The following SPEG variants were observed in gnomAD, a reference collection of about 807,000 sequenced individuals.
SPEG encodes the protein striated muscle enriched protein kinase.
A neutral mutation model predicts 300.4 loss-of-function variants in SPEG; 114 were observed. That is an observed-to-expected ratio of 0.38 (90% confidence interval 0.33 to 0.44). SPEG has a LOEUF of 0.44. Among genes scored for constraint, SPEG ranks in the 20% least tolerant of loss-of-function variants. The pLI is 1.00. For synonymous variants in SPEG, 1,964 were observed against 2,018.9 expected, an observed-to-expected ratio of 0.97 and a Z score of 0.73; for missense variants, 4,201 against 4,586.2, an observed-to-expected ratio of 0.92 and a Z score of 2.43.
intron 39 of SPEG, 69 bp downstream of exon 39, chr2:219,491,938 A>G (rs1694010614): frequency 7.0e-7 from 1 of 1,429,224 alleles, no homozygotes; most frequent in Admixed American, 2.0e-5. Context: ...ACCTTCTGCC[A>G]ACACCCTCTC....
At position 219,481,817 on chromosome 2, in the gene SPEG, A is replaced by C; in HGVS notation, c.5565+137A>C. The C allele has an allele frequency of 1.3e-6, 1 of 790,482 alleles. No individual in the cohort carries two copies. The highest frequency in any genetic ancestry group is 2.0e-5 in the Admixed American group (1 of 48,844). 49.0% of individuals were successfully genotyped at this position (790,482 alleles called of 1,614,324 possible). ...TGTACATATGACGTATTAGCCTCAC[A>C]ATAGCTTTGCAAAGGAAGGCATTAT... On this transcript the variant is annotated intron_variant, in intron 28 of 40. Transcript: ENST00000312358. The surrounding 1 kb of genome is among the most constrained non-coding windows in gnomAD (Gnocchi z 5.4).
chr2:219,483,997 T>C lies in SPEG; in HGVS notation c.6534T>C (p.Pro2178=). 1.2e-6 allele frequency: 2 copies of C among 1,612,148 alleles called. No homozygotes were observed. The highest frequency in any genetic ancestry group is 1.7e-6 in the Non-Finnish European group (2 of 1,179,828). ...TCAGCGAGGCCCAGCCATCCAGCCC[T>C]GCACGGCCCAGCGCCCCCAAACCCA... ...SALSEAQPSS[P]ARPSAPKPST... The change falls in exon 30 of 41, where the codon CCT becomes CCC. Residue 2178 remains proline, a synonymous_variant. Transcript: ENST00000312358.
At chr2:219,465,842 T>C in intron 9 of SPEG, 1 of 615,472 alleles carries the variant, frequency 1.6e-6, no homozygotes, top group Non-Finnish European at 2.9e-6. Flanking sequence ...TGCGTGTATG[T>C]GCATGCATGT....
chr2:219,447,930 G>A (rs141483469), intron 3 of SPEG, 44 bp from the exon 4 acceptor site: 23,726 of 1,572,990 alleles, frequency 0.015, 213 homozygotes, highest in Non-Finnish European at 0.017. Context: ...TCTAGGAGAG[G>A]AGGCCCCCTG....
chr2:219,484,483 C>T lies in SPEG; in HGVS notation c.7020C>T (p.Ser2340=), dbSNP rs1247201829. 6.2e-7 allele frequency: 1 copy of T among 1,608,992 alleles called. No individual in the cohort carries two copies. The highest frequency in any genetic ancestry group is 1.3e-5 in the African/African-American group (1 of 75,024). Residue 2340 remains serine, a synonymous_variant, in exon 30 of 41, where the codon AGC becomes AGT. Transcript: ENST00000312358. ...EAVFEAKFKR[S]RESPLSLGLR... ...TGTTCGAGGCCAAGTTCAAGCGCAG[C>T]CGCGAGTCGCCCCTGTCGCTGGGGC...
At position 219,485,523 on chromosome 2, in the gene SPEG, T is replaced by TC; in HGVS notation, c.7741+50dup. The TC allele has an allele frequency of 2.0e-6, 3 of 1,491,052 alleles. No homozygotes were observed. The South Asian group carries it at 4.1e-5, about 21-fold the overall frequency. The allele number at this position is 1,491,052 out of a possible 1,614,324, so 92.4% of individuals were successfully genotyped here. On this transcript the variant is annotated intron_variant, in intron 31 of 40. Coordinates refer to ENST00000312358, the MANE Select transcript of SPEG (RefSeq NM_005876.5). ...TGAGGACCCTCCTCCCCTCCTGCCC[T>TC]CCCCTACCCCCATCAGGGAGCAGTC...
chr2:219,484,025 A>G lies in SPEG; in HGVS notation c.6562A>G (p.Thr2188Ala). The change falls in exon 30 of 41, where the codon ACC becomes GCC. Residue 2188 changes from threonine (T) to alanine (A), a missense_variant. By Grantham distance (58) the Thr-to-Ala change is moderately conservative. This residue lies in a region of SPEG where 1,578 missense variants were observed against 1,506.0 expected (regional missense o/e 1.05). Coordinates refer to ENST00000312358, the MANE Select transcript of SPEG (RefSeq NM_005876.5). ...ACGGCCCAGCGCCCCCAAACCCAGT[A>G]CCCCTAAGTCTGCAGAACCTTCTGC... ...PARPSAPKPS[T>A]PKSAEPSATT... 6.2e-7 allele frequency: 1 copy of G among 1,612,950 alleles called. No homozygotes were observed. The highest frequency in any genetic ancestry group is 8.5e-7 in the Non-Finnish European group (1 of 1,179,686).
chr2:219,489,444 C>A lies in SPEG; in HGVS notation c.8426C>A (p.Pro2809His), dbSNP rs1200877108. 2.5e-6 allele frequency: 4 copies of A among 1,613,042 alleles called. No homozygotes were observed. The highest frequency in any genetic ancestry group is 3.4e-6 in the Non-Finnish European group (4 of 1,179,606). Reference sequence around the variant, plus strand: ...ACCTCACTGGCCCCACCCCTAGCTCCTGCTGCCCCCACACCCCCGTCAGTC... The same window carrying A: ...ACCTCACTGGCCCCACCCCTAGCTCATGCTGCCCCCACACCCCCGTCAGTC... Reference protein sequence around the residue: ...SPTSLAPPLAPAAPTPPSVTV... With the variant: ...SPTSLAPPLAHAAPTPPSVTV... The change falls in exon 36 of 41, where the codon CCT becomes CAT. Residue 2809 changes from proline (P) to histidine (H), a missense_variant. By Grantham distance (77) the Pro-to-His change is moderately conservative (BLOSUM62 -2). Transcript: ENST00000312358.
Position 219,480,265 on chromosome 2 carries a change from G to C in SPEG, c.5342+125G>C. ...CTCCTGAAGGTGGGCTGGAGGCATTGTTTGCAGGGTCTCCTGCCCATGTTA... is the reference window on the plus strand; with the variant it reads ...CTCCTGAAGGTGGGCTGGAGGCATTCTTTGCAGGGTCTCCTGCCCATGTTA... On this transcript the variant is annotated intron_variant, in intron 25 of 40. Transcript: ENST00000312358. This position sits in a 1 kb window ranked among gnomAD's most constrained non-coding sequence, Gnocchi z 5.3. 9.7e-7 allele frequency: 1 copy of C among 1,030,070 alleles called. No individual in the cohort carries two copies. The allele number at this position is 1,030,070 out of a possible 1,614,324, so 63.8% of individuals were successfully genotyped here.
chr2:219,467,179 C>T lies in SPEG; in HGVS notation c.2887C>T (p.Pro963Ser). 2 of 1,576,502 alleles carry T rather than the reference C, an allele frequency of 1.3e-6. No homozygotes were observed. The highest frequency in any genetic ancestry group is 1.7e-6 in the Non-Finnish European group (2 of 1,162,870). The change falls in exon 10 of 41, where the codon CCT (proline) becomes TCT (serine). Residue 963 changes from proline (P) to serine (S), a missense_variant. Physicochemically the swap from Pro to Ser is moderately conservative, Grantham distance 74. Transcript: ENST00000312358. ...CGTGGCTGCTTTCCCCTCAGCACAC[C>T]CTGAAAGCCGGTCCCTGGCCGTGCT... ...CEARLEVRAH[P>S]ESRSLAVLAP... is the part of the protein sequence containing the mutation.
At position 219,481,477 on chromosome 2, in the gene SPEG, G is replaced by A; in HGVS notation, c.5522+21G>A. The A allele has an allele frequency of 6.2e-7, 1 of 1,612,844 alleles. No individual in the cohort carries two copies. Among genetic ancestry groups the A allele is most frequent in the Non-Finnish European group, 8.5e-7 (1 of 1,179,156 alleles). ...CGGCTGTGAGTACAAGGCCCTGGGA[G>A]CCCCCACCTGCAGGGTCACCCTCAT... is the stretch of plus-strand genomic sequence containing the variant. On this transcript the variant is annotated intron_variant, in intron 27 of 40. Transcript: ENST00000312358. The surrounding 1 kb of genome is among the most constrained non-coding windows in gnomAD (Gnocchi z 5.4).
chr2:219,477,949 G>A lies in SPEG; in HGVS notation c.4871G>A (p.Gly1624Asp), dbSNP rs1692504115. Reference sequence around the variant, plus strand: ...CGGCGCATAGTGGAGCGTAGCTCCGGCCTGGAGTTTGCGGCCAAGTTCATC... The same window carrying A: ...CGGCGCATAGTGGAGCGTAGCTCCGACCTGGAGTTTGCGGCCAAGTTCATC... ...YLRRIVERSS[G>D]LEFAAKFIPS... is the part of the protein sequence containing the mutation. Residue 1624 changes from glycine to aspartate, a missense_variant, in exon 22 of 41, where the codon GGC becomes GAC. Coordinates refer to ENST00000312358, the MANE Select transcript of SPEG (RefSeq NM_005876.5). The surrounding 1 kb of genome is among the most constrained non-coding windows in gnomAD (Gnocchi z 6.4). 1 of 1,614,172 alleles carries A rather than the reference G, an allele frequency of 6.2e-7. No individual in the cohort carries two copies. The highest frequency in any genetic ancestry group is 1.1e-5 in the South Asian group (1 of 91,090).
chr2:219,476,739 T>C lies in SPEG; in HGVS notation c.4448-131T>C, dbSNP rs1156746038. 7 of 555,682 alleles carry C rather than the reference T, an allele frequency of 1.3e-5. No homozygotes were observed. The East Asian group carries it at 2.2e-4, about 17-fold the overall frequency. 34.4% of individuals were successfully genotyped at this position (555,682 alleles called of 1,614,324 possible). A position where few individuals can be genotyped will look rare whatever the true frequency, so the allele number is the denominator to read the frequency against. ...TTGGTGGGGGTGGGGGGTGGTGGCT[T>C]GCAGGGAGGCGGGGGTCTAGCGTTC... On this transcript the variant is annotated intron_variant, in intron 18 of 40. Coordinates refer to ENST00000312358, the MANE Select transcript of SPEG (RefSeq NM_005876.5).
chr2:219,437,487 G>GCA (rs1954748885), intron 1 of SPEG, among the ~76,000 whole-genome samples: 1 of 152,208 alleles, frequency 6.6e-6, no homozygotes, highest in Non-Finnish European at 1.5e-5. Context: ...AGGCTTGAGA[G>GCA]GCTTGGGGTA....
chr2:219,481,423 G>A lies in SPEG; in HGVS notation c.5489G>A (p.Gly1830Asp). 6.2e-7 allele frequency: 1 copy of A among 1,614,142 alleles called. No individual in the cohort carries two copies. Among genetic ancestry groups the A allele is most frequent in the Non-Finnish European group, 8.5e-7 (1 of 1,180,020 alleles). ...CTGAGCCTGAGCAGGGAGGCCCGGG[G>A]CTTCCTCATCAAAGTGTTGGTGCAG... Reference protein sequence around the residue: ...TFLSLSREARGFLIKVLVQDR... With the variant: ...TFLSLSREARDFLIKVLVQDR... The change falls in exon 27 of 41, where the codon GGC (glycine) becomes GAC (aspartate). Residue 1830 changes from glycine to aspartate, a missense_variant. By Grantham distance (94) the Gly-to-Asp change is moderately conservative. Coordinates refer to ENST00000312358, the MANE Select transcript of SPEG (RefSeq NM_005876.5). This position sits in a 1 kb window ranked among gnomAD's most constrained non-coding sequence, Gnocchi z 5.4.
rs758797144 is a variant in SPEG, at chr2:219,477,316, G to C, written c.4600G>C (p.Val1534Leu). The change falls in exon 20 of 41, where the codon GTG becomes CTG. Residue 1534 changes from valine to leucine, a missense_variant. This residue lies in a region of SPEG where 1,047 missense variants were observed against 1,356.8 expected (regional missense o/e 0.77). Transcript: ENST00000312358. The surrounding 1 kb of genome is among the most constrained non-coding windows in gnomAD (Gnocchi z 6.4). ...LLTESSHVSF[V>L]YEENECSLVV... The stretch of plus-strand genomic sequence containing the variant: ...GACCGAGAGCAGCCATGTGAGCTTC[G>C]TGTACGAGGAGAATGAGTGCTCCCT... 1 of 1,613,380 alleles carries C rather than the reference G, an allele frequency of 6.2e-7. No individual in the cohort carries two copies. The highest frequency in any genetic ancestry group is 8.5e-7 in the Non-Finnish European group (1 of 1,179,864).
rs553185327 is a variant in SPEG, at chr2:219,455,773, C to T, written c.2440+3966C>T. 9.8e-5 allele frequency among the ~76,000 whole-genome samples: 15 copies of T among 152,340 alleles called. No individual in the cohort carries two copies. In the East Asian group the frequency reaches 2.7e-3, roughly 27 times the overall value. ...TCTTCCTCTATTGACTCCCCACCTC[C>T]AGCACAGCTGTGGTCCTTCTGTTTC... On this transcript the variant is annotated intron_variant, in intron 6 of 40. Coordinates refer to ENST00000312358, the MANE Select transcript of SPEG (RefSeq NM_005876.5).
chr2:219,492,522 T>C, intron 40 of SPEG, 72 bp from the exon 41 acceptor site: 1 of 1,510,968 alleles, frequency 6.6e-7, no homozygotes, highest in East Asian at 2.3e-5. Context: ...GACATGGGTC[T>C]GCGGGAGGAC....
Position 219,448,679 on chromosome 2 carries a change from G to A in SPEG, c.1521G>A (p.Arg507=). 6.7e-7 allele frequency: 1 copy of A among 1,492,970 alleles called. No individual in the cohort carries two copies. Among genetic ancestry groups the A allele is most frequent in the Non-Finnish European group, 8.9e-7 (1 of 1,129,526 alleles). The allele number at this position is 1,492,970 out of a possible 1,614,324, so 92.5% of individuals were successfully genotyped here. The change falls in exon 4 of 41, where the codon CGG becomes CGA. Residue 507 remains arginine, a synonymous_variant. Transcript: ENST00000312358. ...ELGRIRRSTS[R]EELVRSHESL... Reference sequence around the variant, plus strand: ...GCCGCATCCGCCGCTCCACGTCGCGGGAGGAGCTGGTGCGCTCGCACGAGT... The same window carrying A: ...GCCGCATCCGCCGCTCCACGTCGCGAGAGGAGCTGGTGCGCTCGCACGAGT...
Sources: gnomAD v4.1 joint callset for allele counts (sites outside exome capture counted in the v4.1 genomes callset) on GRCh38, gnomAD v4.1.1 for gene constraint, gnomAD v4.1.1 regional missense constraint, Gnocchi (gnomAD v3.1) non-coding constraint, MANE v1.5 for transcripts, NCBI Gene and HGNC (gene_info 2026-07-23, HGNC 2026-07-21) for gene names.